The following ZFAT variants were observed in gnomAD, a reference collection of about 807,000 sequenced individuals.
ZFAT encodes zinc finger protein ZFAT.
A neutral mutation model predicts 117.7 loss-of-function variants in ZFAT; 64 were observed. The ratio of observed to expected loss-of-function variants is 0.54; its 90% CI spans 0.44 to 0.67. The LOEUF (loss-of-function observed/expected upper bound fraction) is 0.67, where lower values mean the gene tolerates loss of function less well. Ranked by LOEUF, ZFAT falls within the 30% of genes least tolerant of loss-of-function variation. The pLI, the probability that ZFAT is intolerant of heterozygous loss-of-function variation, is 0.00. For synonymous variants in ZFAT, 679 were observed against 615.0 expected, an observed-to-expected ratio of 1.10 and a Z score of -1.54; for missense variants, 1,433 against 1,584.5, an observed-to-expected ratio of 0.90 and a Z score of 1.62.
chr8:134,649,165 T>TCTCTCACACACACACACA (rs1554614264), intron 2 of ZFAT, among the ~76,000 whole-genome samples: 1 of 76,968 alleles, frequency 1.3e-5, no homozygotes, highest in African/African-American at 4.0e-5. Context: ...CATCTATCTC[T>TCTCTCACACACACACACA]CACACACACA....
At chr8:134,771,306 T>G in the ZFAT span, among the ~76,000 whole-genome samples, 1 of 152,074 alleles carries the variant, frequency 6.6e-6, no homozygotes, top group Non-Finnish European at 1.5e-5. Context: ...AAAGAACCTA[T>G]GTGAATATCA....
At chr8:134,699,950 G>A (rs1488169233) in intron 1 of ZFAT, among the ~76,000 whole-genome samples, 1 of 152,200 alleles carries the variant, frequency 6.6e-6, no homozygotes, top group Non-Finnish European at 1.5e-5. Flanking sequence ...TACAGGCAGT[G>A]GGGCCAAGGA....
chr8:134,720,741 T>A, the ZFAT span, among the ~76,000 whole-genome samples: 1 of 152,228 alleles, frequency 6.6e-6, no homozygotes, highest in South Asian at 2.1e-4. Flanking sequence ...CTGCTCTCAG[T>A]TAACCTGTGC....
At chr8:134,599,721 G>T in intron 7 of ZFAT, 1 of 452,512 alleles carries the variant, frequency 2.2e-6, no homozygotes, top group Non-Finnish European at 4.4e-6. Flanking sequence ...AATTAAAACA[G>T]AACCACACCT....
In ZFAT at chr8:134,610,548, C is replaced by T; in HGVS notation, c.556G>A (p.Gly186Arg). ...QKTEKVQKIS[G>R]KEARQLSGAK... ...CCAGAAAGCTGTCTGGCCTCCTTTC[C>T]TGAGATCTTCTGGACTTTCTCTGTT... Residue 186 changes from glycine to arginine, a missense_variant, in exon 4 of 16, where the codon GGA (glycine) becomes AGA (arginine). Physicochemically the swap from Gly to Arg is moderately radical, Grantham distance 125 (BLOSUM62 -2). Coordinates refer to ENST00000377838, the MANE Select transcript of ZFAT (RefSeq NM_020863.4). The T allele has an allele frequency of 6.2e-7, 1 of 1,614,192 alleles. No homozygotes were observed. Among genetic ancestry groups the T allele is most frequent in the Non-Finnish European group, 8.5e-7 (1 of 1,180,028 alleles).
At chr8:134,592,024 A>G (rs1277261518) in intron 7 of ZFAT, among the ~76,000 whole-genome samples, 1 of 152,254 alleles carries the variant, frequency 6.6e-6, no homozygotes, top group Non-Finnish European at 1.5e-5. Flanking sequence ...TAGGTGAATA[A>G]AAAGTAAAAA....
At chr8:134,629,925 C>T (rs1829773064) in intron 3 of ZFAT, among the ~76,000 whole-genome samples, 1 of 152,218 alleles carries the variant, frequency 6.6e-6, no homozygotes, top group Non-Finnish European at 1.5e-5. Context: ...GCTCTCTTCC[C>T]TCCTGTACCA....
At chr8:134,806,326 T>C in the ZFAT span, among the ~76,000 whole-genome samples, 1 of 152,214 alleles carries the variant, frequency 6.6e-6, no homozygotes, top group African/African-American at 2.4e-5. Flanking sequence ...CTCTACCCAT[T>C]ATATAAATAA....
intron 12 of ZFAT, among the ~76,000 whole-genome samples, chr8:134,530,587 T>A (rs929869502): frequency 6.6e-6 from 1 of 152,198 alleles, no homozygotes; most frequent in Non-Finnish European, 1.5e-5. Flanking sequence ...GGTTGTCTCC[T>A]TCTTCAACAT....
At chr8:134,583,276 C>T (rs1825834850) in intron 10 of ZFAT, among the ~76,000 whole-genome samples, 1 of 152,168 alleles carries the variant, frequency 6.6e-6, no homozygotes, top group Non-Finnish European at 1.5e-5. Context: ...CTAGAACCTA[C>T]CTCCCTGTCT....
intron 10 of ZFAT, chr8:134,565,776 T>C: frequency 2.9e-6 from 1 of 350,204 alleles, no homozygotes; most frequent in Non-Finnish European, 5.4e-6. Flanking sequence ...TGCAGGGGAA[T>C]GGACCACAGG....
At chr8:134,813,558 G>A in the ZFAT span, among the ~76,000 whole-genome samples, 4 of 152,186 alleles carry the variant, frequency 2.6e-5, no homozygotes, top group African/African-American at 7.2e-5. Flanking sequence ...GATTACAGGT[G>A]TGGGCCACCA....
chr8:134,497,073 C>T (rs1001904935), intron 15 of ZFAT, among the ~76,000 whole-genome samples: 7 of 152,218 alleles, frequency 4.6e-5, no homozygotes, highest in African/African-American at 7.2e-5. Flanking sequence ...CCACAGTCAG[C>T]ACGGGCGGGG....
At chr8:134,601,438 T>A in intron 6 of ZFAT, 39 bp downstream of exon 6, 4 of 1,563,270 alleles carry the variant, frequency 2.6e-6, no homozygotes, top group Non-Finnish European at 3.5e-6. Flanking sequence ...AGCATGATGG[T>A]TGTGGACAGG....
chr8:134,539,808 T>C (rs1334172137), intron 11 of ZFAT, among the ~76,000 whole-genome samples: 1 of 152,198 alleles, frequency 6.6e-6, no homozygotes, highest in East Asian at 1.9e-4. Context: ...GCATTCTATG[T>C]CAAGCAAGGG....
chr8:134,670,826 A>G (rs1330422687), intron 1 of ZFAT, among the ~76,000 whole-genome samples: 2 of 152,244 alleles, frequency 1.3e-5, no homozygotes, highest in Admixed American at 6.5e-5. Flanking sequence ...TGGTTTTTTG[A>G]AAAGATCAAC....
In ZFAT at chr8:134,601,687, G is replaced by A; in HGVS notation, c.2032C>T (p.Pro678Ser). 2 of 1,613,816 alleles carry A rather than the reference G, an allele frequency of 1.2e-6. No homozygotes were observed. The highest frequency in any genetic ancestry group is 1.7e-6 in the Non-Finnish European group (2 of 1,179,812). ...GGGAGGAGGTCTGAGGCCTCAGCTG[G>A]GTTTGACCTGAGACACCTGCTGGGA... ...PDPSRCLRSN[P>S]AEASDLLPPV... The change falls in exon 6 of 16, where the codon CCA becomes TCA. Residue 678 changes from proline to serine, a missense_variant. Around this residue, in one of 5 missense-constraint regions of ZFAT, gnomAD observed 372 missense variants for 355.6 expected, o/e 1.05. Coordinates refer to ENST00000377838, the MANE Select transcript of ZFAT (RefSeq NM_020863.4).
intron 11 of ZFAT, among the ~76,000 whole-genome samples, chr8:134,550,604 C>T (rs756702945): frequency 5.3e-5 from 8 of 152,170 alleles, no homozygotes; most frequent in Non-Finnish European, 1.0e-4. Flanking sequence ...GATTTGTTAT[C>T]GCTTGTGTCA....
chr8:134,549,592 A>G lies in ZFAT; in HGVS notation c.2976+15741T>C, dbSNP rs138676005. Among the ~76,000 whole-genome samples, 125 of 152,370 alleles carry G rather than the reference A, an allele frequency of 8.2e-4. 1 individual carries two copies. The highest frequency in any genetic ancestry group is 1.4e-3 in the Non-Finnish European group (97 of 68,036). On this transcript the variant is annotated intron_variant, in intron 11 of 15. Coordinates refer to ENST00000377838, the MANE Select transcript of ZFAT (RefSeq NM_020863.4). ...CTGATCACTAGGCCCATGGCCAAAG[A>G]TCTGCACCCCTATACTGGGCAGTGG...
Sources: allele counts gnomAD v4.1 joint callset (sites outside exome capture counted in the v4.1 genomes callset), GRCh38; gene constraint gnomAD v4.1.1; regional missense constraint gnomAD v4.1.1; transcripts MANE v1.5; gene names NCBI Gene and HGNC (gene_info 2026-07-23, HGNC 2026-07-21).